RANGAP1: variants seen among roughly 807,000 people sequenced by gnomAD.
RANGAP1 encodes ran GTPase-activating protein 1.
A neutral mutation model predicts 63.5 loss-of-function variants in RANGAP1; 38 were observed. The ratio of observed to expected loss-of-function variants is 0.60; its 90% confidence interval spans 0.46 to 0.78. The LOEUF (loss-of-function observed/expected upper bound fraction) is 0.78. Among genes scored for constraint, RANGAP1 ranks in the 30% least tolerant of loss-of-function variants. The probability of loss-of-function intolerance (pLI) is 0.00; values close to 1 mark genes in which losing one functional copy is unlikely to be tolerated. For synonymous variants in RANGAP1, 329 were observed against 310.5 expected (o/e 1.06, Z -0.63); for missense variants, 630 against 740.3 (o/e 0.85, Z 1.73).
intron 3 of RANGAP1, among the ~76,000 whole-genome samples, chr22:41,272,591 GC>G (rs1267354162): frequency 6.6e-6 from 1 of 152,022 alleles, no homozygotes; most frequent in Non-Finnish European, 1.5e-5. Flanking sequence ...CGTGATCTTG[GC>G]TCACTGCAAC....
the RANGAP1 span, among the ~76,000 whole-genome samples, chr22:41,301,973 C>T: frequency 6.6e-6 from 1 of 152,112 alleles, no homozygotes; most frequent in African/African-American, 2.4e-5. Flanking sequence ...CTCTAAAACC[C>T]CATTTGCTCC....
chr22:41,253,270 T>C (rs1266819810), intron 11 of RANGAP1, among the ~76,000 whole-genome samples: 3 of 152,140 alleles, frequency 2.0e-5, no homozygotes, highest in East Asian at 3.9e-4. Flanking sequence ...ATCCTCGTCA[T>C]GACATGCAGT....
At chr22:41,293,092 A>C in the RANGAP1 span, among the ~76,000 whole-genome samples, 1 of 151,380 alleles carries the variant, frequency 6.6e-6, no homozygotes, top group Non-Finnish European at 1.5e-5. Context: ...AAAATTAGCC[A>C]GGCGTGTTGG....
At chr22:41,285,727 C>T in intron 1 of RANGAP1, 1 of 971,336 alleles carries the variant, frequency 1.0e-6, no homozygotes, top group Non-Finnish European at 1.2e-6. Context: ...TAATATGAGA[C>T]GCCACTGCTA....
chr22:41,266,656 C>T (rs1220041967), intron 4 of RANGAP1, among the ~76,000 whole-genome samples: 1 of 152,210 alleles, frequency 6.6e-6, no homozygotes, highest in Admixed American at 6.5e-5. Context: ...GCCTCAGCAT[C>T]CTGAGTAGCT....
At chr22:41,254,168 T>C in intron 11 of RANGAP1, 140 bp downstream of exon 11, 1 of 862,408 alleles carries the variant, frequency 1.2e-6, no homozygotes, top group Non-Finnish European at 1.8e-6. Flanking sequence ...TTCCTTTTTT[T>C]ACTCAATATC....
At chr22:41,275,807 G>A (rs536040351) in intron 2 of RANGAP1, among the ~76,000 whole-genome samples, 114 of 151,978 alleles carry the variant, frequency 7.5e-4, no homozygotes, top group African/African-American at 2.6e-3. Flanking sequence ...TTAGGCTGGT[G>A]TGGTGGCGTG....
At chr22:41,294,936 T>G in the RANGAP1 span, among the ~76,000 whole-genome samples, 1 of 96,238 alleles carries the variant, frequency 1.0e-5, no homozygotes, top group Non-Finnish European at 2.1e-5. Context: ...AGGTGGGGGA[T>G]CAGCCCCCCG....
At chr22:41,298,413 C>T in the RANGAP1 span, among the ~76,000 whole-genome samples, 15 of 152,216 alleles carry the variant, frequency 9.9e-5, no homozygotes, top group South Asian at 1.4e-3. Context: ...CTCCCAGGTT[C>T]AAGCGATTCT....
In RANGAP1 at chr22:41,251,032, C is replaced by T. The variant is rs778275573; in HGVS notation, c.1458G>A (p.Val486=). ...VSSVFKDEAT[V]RMAVQDAVDA... is the part of the protein sequence containing the mutation. ...CTACTGCATCCTGCACTGCCATCCT[C>T]ACAGTAGCTTCGTCCTTGAACACAG... The change falls in exon 13 of 16, where the codon GTG becomes GTA. Residue 486 remains valine, a synonymous_variant. Coordinates refer to ENST00000356244, the MANE Select transcript of RANGAP1 (RefSeq NM_002883.4). The T allele has an allele frequency of 6.2e-7, 1 of 1,614,208 alleles. No homozygotes were observed. The highest frequency in any genetic ancestry group is 1.1e-5 in the South Asian group (1 of 91,086).
intron 1 of RANGAP1, among the ~76,000 whole-genome samples, chr22:41,284,432 T>G (rs2035652509): frequency 6.6e-6 from 1 of 151,662 alleles, no homozygotes; most frequent in Admixed American, 6.6e-5. Context: ...CCGGGCGTGG[T>G]GGCACATGCC....
At chr22:41,289,742 C>G (rs2035816620), upstream of RANGAP1, among the ~76,000 whole-genome samples, 1 of 152,208 alleles carries the variant, frequency 6.6e-6, no homozygotes, top group South Asian at 2.1e-4. Flanking sequence ...CTGCCTGGCC[C>G]AAGAAGTGTA....
Position 41,257,696 on chromosome 22 carries a change from G to A in RANGAP1, c.774+252C>T, listed in dbSNP as rs1000249806. Among the ~76,000 whole-genome samples, 6 of 152,254 alleles carry A rather than the reference G, an allele frequency of 3.9e-5. No individual in the cohort carries two copies. The highest frequency in any genetic ancestry group is 1.9e-4 in the East Asian group (1 of 5,200). ...GCCTGAGAACAAACCAGCGGCAGCC[G>A]CTGGGGGCTGCAGAGGCGGCTCAGG... On this transcript the variant is annotated intron_variant, in intron 7 of 15. Coordinates refer to ENST00000356244, the MANE Select transcript of RANGAP1 (RefSeq NM_002883.4). This position sits in a 1 kb window ranked among gnomAD's most constrained non-coding sequence, Gnocchi z 4.0.
In RANGAP1 at chr22:41,274,735, G is replaced by T. The variant is rs759320773; in HGVS notation, c.113-8C>A. On this transcript the variant is annotated splice_region_variant and splice_polypyrimidine_tract_variant and intron_variant, in intron 2 of 15. Transcript: ENST00000356244. ...CTTTAATCACATCTTTAGCTGCCAG[G>T]GACCAAAGAGCAGAACCTTAGGCTT... The T allele has an allele frequency of 3.1e-6, 5 of 1,613,782 alleles. No homozygotes were observed. The highest frequency in any genetic ancestry group is 4.2e-6 in the Non-Finnish European group (5 of 1,179,888).
At chr22:41,247,950 T>C (rs2033162495) in intron 15 of RANGAP1, among the ~76,000 whole-genome samples, 1 of 152,096 alleles carries the variant, frequency 6.6e-6, no homozygotes, top group South Asian at 2.1e-4. Context: ...GGAAAAGGCA[T>C]TTTGCTCTGA....
intron 3 of RANGAP1, among the ~76,000 whole-genome samples, chr22:41,269,739 CA>C (rs35959490): frequency 0.012 from 1,091 of 92,992 alleles, 10 homozygotes; most frequent in African/African-American, 0.034. Flanking sequence ...AAGACTCTCT[CA>C]AAAAAAAAAA....
chr22:41,267,406 C>T (rs1204862089), intron 4 of RANGAP1, among the ~76,000 whole-genome samples: 2 of 152,156 alleles, frequency 1.3e-5, no homozygotes, highest in Non-Finnish European at 2.9e-5. Context: ...TGTGCACACT[C>T]ATCACTGACC....
At chr22:41,274,878 G>A in intron 2 of RANGAP1, 151 bp from the exon 3 acceptor site, 3 of 989,706 alleles carry the variant, frequency 3.0e-6, no homozygotes, top group East Asian at 2.4e-5. Context: ...ACAGGCTCAT[G>A]GTCCAGAGTA....
At chr22:41,301,057 G>A in the RANGAP1 span, among the ~76,000 whole-genome samples, 14 of 152,218 alleles carry the variant, frequency 9.2e-5, no homozygotes, top group Admixed American at 7.2e-4. Flanking sequence ...AATAAAGTCG[G>A]CCTTGTAGTC....
Sources: gnomAD v4.1 joint callset for allele counts (sites outside exome capture counted in the v4.1 genomes callset) on GRCh38, gnomAD v4.1.1 for gene constraint, Gnocchi (gnomAD v3.1) non-coding constraint, MANE v1.5 for transcripts, NCBI Gene and HGNC (gene_info 2026-07-23, HGNC 2026-07-21) for gene names.